The following GOLM2 variants were observed in gnomAD, a reference collection of about 807,000 sequenced individuals.
The protein encoded by GOLM2 is protein GOLM2.
In GOLM2, 26 loss-of-function variants were observed where a neutral mutation model predicts 55.9. That is an observed-to-expected ratio of 0.47 (90% CI 0.34 to 0.65). GOLM2 has a LOEUF of 0.65. Ranked by LOEUF, GOLM2 falls within the 30% of genes least tolerant of loss-of-function variation. The probability of loss-of-function intolerance (pLI) is 0.01; values close to 1 mark genes in which losing one functional copy is unlikely to be tolerated. For synonymous variants in GOLM2, 165 were observed against 194.6 expected, an observed-to-expected ratio of 0.85 and a Z score of 1.27; for missense variants, 486 against 531.8, an observed-to-expected ratio of 0.91 and a Z score of 0.85.
intron 5 of GOLM2, 105 bp downstream of exon 5, chr15:44,338,012 G>A: frequency 8.8e-7 from 1 of 1,133,348 alleles, no homozygotes; most frequent in Non-Finnish European, 1.3e-6. Context: ...TTTGATTTTA[G>A]TTCACACATG....
intron 1 of GOLM2, among the ~76,000 whole-genome samples, chr15:44,314,642 A>T (rs768564734): frequency 8.5e-5 from 13 of 152,200 alleles, no homozygotes; most frequent in Non-Finnish European, 1.6e-4. Context: ...TCATTAACAG[A>T]TAAGTAAAAG....
At chr15:44,371,925 C>T (rs1195292479) in intron 6 of GOLM2, among the ~76,000 whole-genome samples, 1 of 152,024 alleles carries the variant, frequency 6.6e-6, no homozygotes, top group African/African-American at 2.4e-5. Context: ...TATTAATCAC[C>T]AACTATTTGC....
chr15:44,304,056 A>G (rs1388638692), intron 1 of GOLM2, among the ~76,000 whole-genome samples: 2 of 151,268 alleles, frequency 1.3e-5, no homozygotes, highest in Non-Finnish European at 2.9e-5. Flanking sequence ...AAAATTTTGT[A>G]GAGATGTGGT....
chr15:44,341,830 G>T (rs901871907), intron 6 of GOLM2, among the ~76,000 whole-genome samples: 4 of 151,428 alleles, frequency 2.6e-5, no homozygotes, highest in Non-Finnish European at 4.4e-5. Flanking sequence ...TGAGTAGCTG[G>T]GATTACAGCG....
At chr15:44,351,520 T>C (rs1403517589) in intron 6 of GOLM2, among the ~76,000 whole-genome samples, 1 of 137,076 alleles carries the variant, frequency 7.3e-6, no homozygotes, top group East Asian at 2.1e-4. Context: ...CAGCTTGCAG[T>C]GAGCTGAGAT....
intron 8 of GOLM2, among the ~76,000 whole-genome samples, chr15:44,402,221 T>C (rs2079570207): frequency 6.6e-6 from 1 of 152,088 alleles, no homozygotes; most frequent in Non-Finnish European, 1.5e-5. Flanking sequence ...TTTTTAAAAA[T>C]CTGTCTTAGG....
At chr15:44,388,189 T>A (rs1051329310) in intron 8 of GOLM2, among the ~76,000 whole-genome samples, 1 of 147,204 alleles carries the variant, frequency 6.8e-6, no homozygotes, top group Admixed American at 7.0e-5. Context: ...GGCACAATAA[T>A]CTTGAACCTG....
intron 2 of GOLM2, among the ~76,000 whole-genome samples, chr15:44,325,236 C>A (rs1202137247): frequency 6.6e-6 from 1 of 152,162 alleles, no homozygotes; most frequent in African/African-American, 2.4e-5. Context: ...TTTTGACCCA[C>A]TGGAAATCAC....
chr15:44,360,369 A>C (rs567337793), intron 6 of GOLM2, among the ~76,000 whole-genome samples: 34 of 152,336 alleles, frequency 2.2e-4, no homozygotes, highest in South Asian at 1.2e-3. Context: ...TCTACCAAGC[A>C]AATGGAAAAC....
intron 6 of GOLM2, among the ~76,000 whole-genome samples, chr15:44,366,825 C>T (rs1039941278): frequency 3.3e-5 from 5 of 151,824 alleles, no homozygotes; most frequent in African/African-American, 7.3e-5. Flanking sequence ...TCATGCTACC[C>T]GTACTCCATT....
At chr15:44,310,454 C>CTCTATATATATATATGTATA (rs1187338800) in intron 1 of GOLM2, among the ~76,000 whole-genome samples, 3 of 142,606 alleles carry the variant, frequency 2.1e-5, no homozygotes, top group South Asian at 2.2e-4. Context: ...CTCTCTCTCT[C>CTCTATATATATATATGTATA]TATATATATA....
chr15:44,297,161 G>A (rs986407352), intron 1 of GOLM2, among the ~76,000 whole-genome samples: 3 of 152,052 alleles, frequency 2.0e-5, no homozygotes, highest in Non-Finnish European at 2.9e-5. Context: ...TTACTTGATC[G>A]AATTAAAAAA....
chr15:44,399,962 T>G (rs917576541), intron 8 of GOLM2, among the ~76,000 whole-genome samples: 2 of 150,664 alleles, frequency 1.3e-5, no homozygotes, highest in Non-Finnish European at 2.9e-5. Context: ...GCCACTGCAC[T>G]CCAGCCACTC....
chr15:44,300,816 A>G (rs1286675753), intron 1 of GOLM2, among the ~76,000 whole-genome samples: 1 of 152,198 alleles, frequency 6.6e-6, no homozygotes, highest in Non-Finnish European at 1.5e-5. Context: ...CTGGGCATGC[A>G]GTAATTTCAG....
At position 44,402,916 on chromosome 15, in the gene GOLM2, G is replaced by A. The variant is rs757115443; in HGVS notation, c.1102G>A (p.Val368Ile). Residue 368 changes from valine to isoleucine, a missense_variant, in exon 9 of 10, where the codon GTT (valine) becomes ATT (isoleucine). By Grantham distance (29) the Val-to-Ile change is conservative. Transcript: ENST00000299957. ...SRFFDENESP[V>I]DPQHGSKLAD... ...ATTCTTTGATGAAAATGAATCCCCT[G>A]TTGATCCGCAGCATGGCTCTAAACT... 9 of 1,613,960 alleles carry A rather than the reference G, an allele frequency of 5.6e-6. No homozygotes were observed. In the South Asian group the frequency reaches 7.7e-5, roughly 14 times the overall value.
chr15:44,360,137 G>C (rs2079227081), intron 6 of GOLM2, among the ~76,000 whole-genome samples: 1 of 152,274 alleles, frequency 6.6e-6, no homozygotes, highest in Middle Eastern at 3.4e-3. Context: ...GGAAGAAACT[G>C]CATCAACTAA....
At chr15:44,329,034 T>C (rs571761516) in intron 3 of GOLM2, among the ~76,000 whole-genome samples, 1 of 152,358 alleles carries the variant, frequency 6.6e-6, no homozygotes, top group Non-Finnish European at 1.5e-5. Context: ...TGTTGTAGAA[T>C]TCATTGTGAG....
Position 44,288,800 on chromosome 15 carries a change from C to A in GOLM2, c.-230C>A, listed in dbSNP as rs2078697968. 3.6e-6 allele frequency: 2 copies of A among 559,498 alleles called. No individual in the cohort carries two copies. Among genetic ancestry groups the A allele is most frequent in the Non-Finnish European group, 6.3e-6 (2 of 318,304 alleles). The allele number at this position is 559,498 out of a possible 1,614,324, so 34.7% of individuals were successfully genotyped here. ...CGGTTCCCTTGGGCAGGTGCAGGGT[C>A]GGGTTCAAAGCCTCCGGAACGCGTT... On this transcript the variant is annotated 5_prime_UTR_variant, in exon 1 of 10. Transcript: ENST00000299957.
intron 6 of GOLM2, among the ~76,000 whole-genome samples, chr15:44,379,425 T>A (rs898690061): frequency 4.6e-5 from 7 of 151,894 alleles, no homozygotes; most frequent in African/African-American, 1.7e-4. Context: ...TTGCAGTGAG[T>A]TGAGATCATG....
Sources: allele counts gnomAD v4.1 joint callset (sites outside exome capture counted in the v4.1 genomes callset), GRCh38; gene constraint gnomAD v4.1.1; transcripts MANE v1.5; gene names NCBI Gene and HGNC (gene_info 2026-07-23, HGNC 2026-07-21).